The following ARHGAP44 variants were observed in gnomAD, a reference collection of about 807,000 sequenced individuals.
ARHGAP44 encodes Rho GTPase activating protein 44.
Under a neutral mutation model 106.8 loss-of-function variants are expected in ARHGAP44, and 43 were observed. The observed-to-expected ratio is 0.40, with a 90% CI of 0.32 to 0.52. The LOEUF is 0.52. Among genes scored for constraint, ARHGAP44 ranks in the 20% least tolerant of loss-of-function variants. The pLI is 0.48. For missense variants in ARHGAP44, 866 were observed against 1,050.5 expected (o/e 0.82, Z 2.43); for synonymous variants, 439 against 410.3 (o/e 1.07, Z -0.85).
At chr17:12,943,763 C>A in intron 9 of ARHGAP44, 94 bp downstream of exon 9, 3 of 1,298,748 alleles carry the variant, frequency 2.3e-6, no homozygotes, top group Non-Finnish European at 3.3e-6. Flanking sequence ...GGCCCTAACA[C>A]TCTGCCCAAC....
At chr17:12,830,073 A>G (rs907538677) in intron 1 of ARHGAP44, among the ~76,000 whole-genome samples, 2 of 152,324 alleles carry the variant, frequency 1.3e-5, no homozygotes, top group South Asian at 4.1e-4. Flanking sequence ...CCACTAAGCA[A>G]CAGCAAAGGA....
intron 1 of ARHGAP44, among the ~76,000 whole-genome samples, chr17:12,807,888 C>G (rs2034323802): frequency 6.6e-6 from 1 of 152,174 alleles, no homozygotes; most frequent in African/African-American, 2.4e-5. Context: ...TCTCTTCTGC[C>G]TATGAGCCTG....
Position 12,789,900 on chromosome 17 carries a change from C to G in ARHGAP44, c.53+9C>G. ...AACCAGACGGTGGGCAGGTAGGTCA[C>G]CCGCGGGCACCGCTGTCGGTGCGCG... On this transcript the variant is annotated intron_variant, in intron 1 of 20. Transcript: ENST00000379672. The G allele has an allele frequency of 6.6e-7, 1 of 1,517,112 alleles. No individual in the cohort carries two copies. The highest frequency in any genetic ancestry group is 8.8e-7 in the Non-Finnish European group (1 of 1,134,588). The allele number at this position is 1,517,112 out of a possible 1,614,324, so 94.0% of individuals were successfully genotyped here. A position where few individuals can be genotyped will look rare whatever the true frequency, so the allele number is the denominator to read the frequency against.
intron 2 of ARHGAP44, 78 bp downstream of exon 2, chr17:12,895,057 G>A (rs1398050032): frequency 2.4e-5 from 34 of 1,391,506 alleles, no homozygotes; most frequent in Non-Finnish European, 3.4e-5. Flanking sequence ...CTTGAACCCA[G>A]GAGGTGGAGG....
Position 12,941,047 on chromosome 17 carries a change from C to T in ARHGAP44, c.583-9C>T. The T allele has an allele frequency of 1.9e-6, 3 of 1,613,610 alleles. No homozygotes were observed. The highest frequency in any genetic ancestry group is 2.7e-5 in the African/African-American group (2 of 75,012). On this transcript the variant is annotated splice_polypyrimidine_tract_variant and intron_variant, in intron 7 of 20. Transcript: ENST00000379672. The stretch of plus-strand genomic sequence containing the variant: ...GTTTTACCTTGGTTGTATATTTTAC[C>T]TTGCACAGGACCAGCTCTCAGCTGA...
chr17:12,956,232 G>T (rs1437963592), intron 14 of ARHGAP44, among the ~76,000 whole-genome samples: 1 of 152,116 alleles, frequency 6.6e-6, no homozygotes, highest in Non-Finnish European at 1.5e-5. Context: ...GTCAGCATTG[G>T]GATGAGGGGA....
chr17:12,811,306 C>G (rs1291239068), intron 1 of ARHGAP44, among the ~76,000 whole-genome samples: 2 of 143,028 alleles, frequency 1.4e-5, no homozygotes, highest in African/African-American at 2.8e-5. Flanking sequence ...GAGTGAGACT[C>G]CTTCTCAAAA....
chr17:12,981,737 G>A (rs1190085735), intron 19 of ARHGAP44, among the ~76,000 whole-genome samples: 6 of 151,346 alleles, frequency 4.0e-5, no homozygotes, highest in Admixed American at 2.6e-4. Context: ...CTGGCCGGAC[G>A]CAGTGGCCCC....
At chr17:12,940,304 G>C (rs1363050012) in intron 7 of ARHGAP44, among the ~76,000 whole-genome samples, 1 of 152,174 alleles carries the variant, frequency 6.6e-6, no homozygotes, top group East Asian at 1.9e-4. Flanking sequence ...CAAAAATATG[G>C]TTAATGACAG....
At chr17:12,982,390 C>T (rs943556560) in intron 19 of ARHGAP44, among the ~76,000 whole-genome samples, 2 of 151,958 alleles carry the variant, frequency 1.3e-5, no homozygotes, top group African/African-American at 4.8e-5. Context: ...CCTGTCACCA[C>T]CGGAAGTGGT....
chr17:12,871,286 G>A (rs190487406), intron 1 of ARHGAP44, among the ~76,000 whole-genome samples: 98 of 152,286 alleles, frequency 6.4e-4, no homozygotes, highest in South Asian at 3.7e-3. Context: ...TGATTGGATC[G>A]TGGGGGTGGT....
At chr17:12,805,809 A>C (rs1252494362) in intron 1 of ARHGAP44, among the ~76,000 whole-genome samples, 1 of 152,200 alleles carries the variant, frequency 6.6e-6, no homozygotes, top group Non-Finnish European at 1.5e-5. Context: ...AAGAAGCAGG[A>C]CTAGGCAGAG....
chr17:12,841,594 T>TCTCTCTCTCACACACACACA (rs1417307080), intron 1 of ARHGAP44, among the ~76,000 whole-genome samples: 2 of 126,582 alleles, frequency 1.6e-5, no homozygotes, highest in South Asian at 2.7e-4. Context: ...TGTCTCTCTC[T>TCTCTCTCTCACACACACACA]CACACACACA....
At chr17:12,903,761 C>T (rs1411956244) in intron 3 of ARHGAP44, among the ~76,000 whole-genome samples, 1 of 152,102 alleles carries the variant, frequency 6.6e-6, no homozygotes, top group Admixed American at 6.6e-5. Context: ...CCACCCTTTC[C>T]CCTGAGTCCC....
chr17:12,826,057 A>C (rs2034910641), intron 1 of ARHGAP44, among the ~76,000 whole-genome samples: 1 of 152,146 alleles, frequency 6.6e-6, no homozygotes, highest in Non-Finnish European at 1.5e-5. Context: ...ATTTTTGACA[A>C]GTTTGGGTTT....
At chr17:12,976,983 G>A (rs937268744) in intron 18 of ARHGAP44, among the ~76,000 whole-genome samples, 2 of 151,786 alleles carry the variant, frequency 1.3e-5, no homozygotes, top group South Asian at 4.2e-4. Context: ...AGTGCCATAT[G>A]GTATTTGGCA....
intron 1 of ARHGAP44, among the ~76,000 whole-genome samples, chr17:12,827,374 A>G (rs1248235261): frequency 3.9e-5 from 6 of 152,266 alleles, no homozygotes; most frequent in African/African-American, 9.6e-5. Context: ...TCACATCATT[A>G]TAAGGATGAT....
At chr17:12,860,264 C>T (rs28469846) in intron 1 of ARHGAP44, among the ~76,000 whole-genome samples, 94,608 of 152,052 alleles carry the variant, frequency 0.62, 30,183 homozygotes, top group Non-Finnish European at 0.68. Flanking sequence ...ATTCTTCCCT[C>T]CCCACTTCAA....
At chr17:12,984,126 A>T (rs2039897918) in intron 19 of ARHGAP44, among the ~76,000 whole-genome samples, 1 of 152,142 alleles carries the variant, frequency 6.6e-6, no homozygotes, top group East Asian at 1.9e-4. Context: ...AACTGGAGTC[A>T]TCCTCTGCTG....
Sources: gnomAD v4.1 joint callset for allele counts (sites outside exome capture counted in the v4.1 genomes callset) on GRCh38, gnomAD v4.1.1 for gene constraint, MANE v1.5 for transcripts, NCBI Gene and HGNC (gene_info 2026-07-23, HGNC 2026-07-21) for gene names.